Variants in BRAF observed in about 807,000 individuals in gnomAD.
The protein encoded by BRAF is serine/threonine-protein kinase B-raf.
A neutral mutation model predicts 104.6 loss-of-function variants in BRAF; 16 were observed. The ratio of observed to expected loss-of-function variants is 0.15; its 90% CI spans 0.10 to 0.23. BRAF has a LOEUF of 0.23. Among genes scored for constraint, BRAF ranks in the 10% least tolerant of loss-of-function variants. BRAF has a pLI of 1.00. For synonymous variants in BRAF, 310 were observed against 341.6 expected, an observed-to-expected ratio of 0.91 and a Z score of 1.02; for missense variants, 541 against 937.3, an observed-to-expected ratio of 0.58 and a Z score of 5.52.
chr7:140,903,637 C>T lies in BRAF; in HGVS notation c.138+20929G>A, dbSNP rs924449546. ...GAAGTACCTTTCATTGGGCTATAGC[C>T]GCCATAGATATCGTTATTACTCTGA... On this transcript the variant is annotated intron_variant, in intron 1 of 19. Coordinates refer to ENST00000644969, the MANE Select transcript of BRAF (RefSeq NM_001374258.1). Among the ~76,000 whole-genome samples, 22 of 152,278 alleles carry T rather than the reference C, an allele frequency of 1.4e-4. 1 individual carries two copies. The highest frequency in any genetic ancestry group is 8.3e-4 in the South Asian group (4 of 4,826).
chr7:140,803,051 T>C (rs1733827), intron 5 of BRAF, among the ~76,000 whole-genome samples: 16,916 of 152,224 alleles, frequency 0.11, 1,140 homozygotes, highest in African/African-American at 0.19. Context: ...GCCACTGTGT[T>C]AAGGTTACCT....
At chr7:140,871,927 T>G (rs1811636623) in intron 1 of BRAF, among the ~76,000 whole-genome samples, 1 of 151,984 alleles carries the variant, frequency 6.6e-6, no homozygotes, top group Non-Finnish European at 1.5e-5. Flanking sequence ...AATACTAAAT[T>G]GCACAGAGGC....
Position 140,739,079 on chromosome 7 carries a change from A to C in BRAF, c.2247+733T>G, listed in dbSNP as rs954019009. On this transcript the variant is annotated intron_variant, in intron 18 of 19. Transcript: ENST00000644969. ...GCATCAGGCAGAAATGCCCCTCAAA[A>C]AGACCCAGTATTAAAGGAAAGCTTG... Among the ~76,000 whole-genome samples the C allele has an allele frequency of 3.2e-4, 48 of 152,184 alleles. 1 individual carries two copies. Among genetic ancestry groups the C allele is most frequent in the Non-Finnish European group, 2.9e-5 (2 of 68,036 alleles).
At chr7:140,729,315 A>G (rs1416980245) in intron 19 of BRAF, among the ~76,000 whole-genome samples, 1 of 152,186 alleles carries the variant, frequency 6.6e-6, no homozygotes, top group African/African-American at 2.4e-5. Flanking sequence ...CATTTTGTTG[A>G]AGTGTCATAC....
intron 3 of BRAF, among the ~76,000 whole-genome samples, chr7:140,821,158 A>AT (rs1197524735): frequency 6.6e-6 from 1 of 151,970 alleles, no homozygotes; most frequent in Non-Finnish European, 1.5e-5. Context: ...CACCTGGCTA[A>AT]TTTTTTGTAG....
At chr7:140,875,734 T>C (rs1490852946) in intron 1 of BRAF, among the ~76,000 whole-genome samples, 1 of 152,202 alleles carries the variant, frequency 6.6e-6, no homozygotes, top group African/African-American at 2.4e-5. Flanking sequence ...GGAACACCAC[T>C]TCAAATGACA....
intron 14 of BRAF, among the ~76,000 whole-genome samples, chr7:140,772,416 G>A (rs1444085903): frequency 6.6e-6 from 1 of 152,142 alleles, no homozygotes; most frequent in Non-Finnish European, 1.5e-5. Context: ...GAGCCCAGGA[G>A]TTTGAGACCA....
chr7:140,876,488 T>C (rs1038922534), intron 1 of BRAF, among the ~76,000 whole-genome samples: 6 of 152,204 alleles, frequency 3.9e-5, no homozygotes, highest in South Asian at 2.1e-4. Context: ...TTACATTAAA[T>C]GTGAATAGTC....
rs565027626 is a variant in BRAF, at chr7:140,903,177, C to T, written c.138+21389G>A. ...CCGGCCTCAGGTGATCCGCCCACCT[C>T]GGCCTCCCAAAGTGCTGGGATTACA... On this transcript the variant is annotated intron_variant, in intron 1 of 19. Coordinates refer to ENST00000644969, the MANE Select transcript of BRAF (RefSeq NM_001374258.1). Among the ~76,000 whole-genome samples the T allele has an allele frequency of 4.6e-5, 7 of 152,208 alleles. No homozygotes were observed. In the South Asian group the frequency reaches 6.2e-4, roughly 14 times the overall value.
At chr7:140,856,989 A>G (rs1438915207) in intron 1 of BRAF, among the ~76,000 whole-genome samples, 2 of 152,162 alleles carry the variant, frequency 1.3e-5, no homozygotes, top group African/African-American at 4.8e-5. Flanking sequence ...AGAGGGCTGA[A>G]TAGTGGCCCC....
intron 1 of BRAF, among the ~76,000 whole-genome samples, chr7:140,888,354 C>T (rs1189255749): frequency 1.3e-5 from 2 of 152,074 alleles, no homozygotes; most frequent in African/African-American, 2.4e-5. Flanking sequence ...TTTAAGTAAA[C>T]GTATGGATTA....
chr7:140,803,686 T>C (rs1422921676), intron 5 of BRAF, among the ~76,000 whole-genome samples: 2 of 152,158 alleles, frequency 1.3e-5, no homozygotes, highest in Admixed American at 6.5e-5. Context: ...AAGAATTCCA[T>C]GTCAAAGGCA....
intron 5 of BRAF, among the ~76,000 whole-genome samples, chr7:140,806,599 T>C (rs1803681962): frequency 6.6e-6 from 1 of 152,208 alleles, no homozygotes; most frequent in South Asian, 2.1e-4. Flanking sequence ...TCTCCTCATA[T>C]TCAATTTCTA....
rs114075895 is a variant in BRAF, at chr7:140,747,866, T to C, written c.2112+1421A>G. On this transcript the variant is annotated intron_variant, in intron 17 of 19. Coordinates refer to ENST00000644969, the MANE Select transcript of BRAF (RefSeq NM_001374258.1). Reference sequence around the variant, plus strand: ...TACAGTAAGTACAATGTTTCAATTATGTTCTTTAGCTGAAATTTCAGTCCA... The same window carrying C: ...TACAGTAAGTACAATGTTTCAATTACGTTCTTTAGCTGAAATTTCAGTCCA... Among the ~76,000 whole-genome samples, 1,510 of 152,322 alleles carry C rather than the reference T, an allele frequency of 9.9e-3. 25 individuals carry two copies. Among genetic ancestry groups the C allele is most frequent in the African/African-American group, 0.034 (1,420 of 41,574 alleles).
chr7:140,774,054 A>AG (rs1411966358), intron 14 of BRAF, among the ~76,000 whole-genome samples: 2 of 152,238 alleles, frequency 1.3e-5, no homozygotes, highest in Admixed American at 1.3e-4. Context: ...CAGAAACTGA[A>AG]GATGTGTCGG....
At chr7:140,770,533 A>G (rs1485308071) in intron 14 of BRAF, among the ~76,000 whole-genome samples, 1 of 151,044 alleles carries the variant, frequency 6.6e-6, no homozygotes, top group African/African-American at 2.4e-5. Flanking sequence ...CTGCCAAAAA[A>G]AAAAAAAAAA....
chr7:140,781,379 AGG>A, intron 12 of BRAF, 195 bp downstream of exon 11: 1 of 588,658 alleles, frequency 1.7e-6, no homozygotes, highest in Non-Finnish European at 3.0e-6. Context: ...ATAAAATGGT[AGG>A]AGTCCCGACT....
intron 1 of BRAF, among the ~76,000 whole-genome samples, chr7:140,852,844 C>T (rs1267415412): frequency 2.0e-5 from 3 of 152,168 alleles, no homozygotes; most frequent in South Asian, 2.1e-4. Context: ...CCCCACAAAA[C>T]TTGTTTTTCC....
intron 14 of BRAF, among the ~76,000 whole-genome samples, chr7:140,760,440 G>T (rs933596781): frequency 7.0e-6 from 1 of 143,642 alleles, no homozygotes; most frequent in South Asian, 2.2e-4. Flanking sequence ...AAAAAAAAAA[G>T]ATGTTTTCTG....
Sources: gnomAD v4.1 joint callset for allele counts (sites outside exome capture counted in the v4.1 genomes callset) on GRCh38, gnomAD v4.1.1 for gene constraint, MANE v1.5 for transcripts, NCBI Gene and HGNC (gene_info 2026-07-23, HGNC 2026-07-21) for gene names.